The following ZMAT5 variants were observed in gnomAD, a reference collection of about 807,000 sequenced individuals.
ZMAT5 encodes zinc finger matrin-type protein 5.
ZMAT5 carries 23 observed loss-of-function variants against 28.0 expected under a neutral mutation model. The observed-to-expected ratio is 0.82, with a 90% CI of 0.59 to 1.16. The LOEUF (loss-of-function observed/expected upper bound fraction) is 1.16, where lower values mean the gene tolerates loss of function less well. Ranked by LOEUF, ZMAT5 falls within the 50% of genes most tolerant of loss-of-function variation. ZMAT5 has a pLI of 0.00. For synonymous variants in ZMAT5, 76 were observed against 84.1 expected, an observed-to-expected ratio of 0.90 and a Z score of 0.52; for missense variants, 173 against 212.7, an observed-to-expected ratio of 0.81 and a Z score of 1.16.
intron 1 of ZMAT5, among the ~76,000 whole-genome samples, chr22:29,759,582 T>C (rs554512774): frequency 3.8e-4 from 57 of 151,788 alleles, no homozygotes; most frequent in Non-Finnish European, 6.2e-4. Flanking sequence ...CTGGGCAACA[T>C]AGTGAGACCC....
chr22:29,743,341 C>T (rs763396348), intron 2 of ZMAT5, among the ~76,000 whole-genome samples: 19 of 152,186 alleles, frequency 1.2e-4, no homozygotes, highest in Admixed American at 2.0e-4. Flanking sequence ...GACCAGCCAC[C>T]GCCGCGGACA....
chr22:29,733,470 C>T (rs1438966803), intron 5 of ZMAT5, among the ~76,000 whole-genome samples: 1 of 152,240 alleles, frequency 6.6e-6, no homozygotes, highest in East Asian at 1.9e-4. Context: ...GTGCAGCCTC[C>T]AGGACCCCCA....
At position 29,766,934 on chromosome 22, in the gene ZMAT5, T is replaced by A. The variant is rs2068220335; in HGVS notation, c.-90A>T. On this transcript the variant is annotated 5_prime_UTR_variant, in exon 1 of 6. Transcript: ENST00000344318. ...AGAGACTAGGACTCGCCCCTCGACG[T>A]CTCGCGGAAGGTACCTGGCTCCCCG... The A allele has an allele frequency of 6.4e-6, 1 of 156,548 alleles. No homozygotes were observed. Among genetic ancestry groups the A allele is most frequent in the South Asian group, 1.7e-4 (1 of 6,032 alleles). 9.7% of individuals were successfully genotyped at this position (156,548 alleles called of 1,614,324 possible). A position where few individuals can be genotyped will look rare whatever the true frequency, so the allele number is the denominator to read the frequency against.
At chr22:29,732,855 G>C (rs1009958438) in intron 5 of ZMAT5, among the ~76,000 whole-genome samples, 1 of 152,088 alleles carries the variant, frequency 6.6e-6, no homozygotes, top group African/African-American at 2.4e-5. Flanking sequence ...CTTAGGACTG[G>C]AGTCCCCAGA....
chr22:29,740,586 G>A (rs1364040802), intron 4 of ZMAT5, 64 bp downstream of exon 4: 22 of 1,496,554 alleles, frequency 1.5e-5, no homozygotes, highest in Middle Eastern at 1.7e-4. Flanking sequence ...CAGCTTCCCC[G>A]GTCTCAGAGC....
At chr22:29,758,324 T>C (rs1048091701) in intron 1 of ZMAT5, among the ~76,000 whole-genome samples, 2 of 152,170 alleles carry the variant, frequency 1.3e-5, no homozygotes, top group African/African-American at 4.8e-5. Context: ...AATAAAAGTT[T>C]GTTGCTTTAG....
At chr22:29,760,468 G>T (rs188016310) in intron 1 of ZMAT5, among the ~76,000 whole-genome samples, 1 of 152,176 alleles carries the variant, frequency 6.6e-6, no homozygotes, top group East Asian at 1.9e-4. Flanking sequence ...GAACCCAGGA[G>T]GTGAAGGTTG....
intron 2 of ZMAT5, chr22:29,748,030 C>A (rs1569338025): frequency 3.2e-6 from 1 of 309,568 alleles, no homozygotes; most frequent in Non-Finnish European, 6.4e-6. Context: ...CAGCTTGAGC[C>A]CTACCATTCT....
intron 3 of ZMAT5, among the ~76,000 whole-genome samples, chr22:29,741,785 G>C (rs564172453): frequency 6.6e-6 from 1 of 152,108 alleles, no homozygotes; most frequent in African/African-American, 2.4e-5. Context: ...TAGTAGCTGG[G>C]ACTACCAGTG....
intron 1 of ZMAT5, among the ~76,000 whole-genome samples, chr22:29,757,275 C>T (rs1324792696): frequency 6.6e-6 from 1 of 151,244 alleles, no homozygotes. Context: ...AAATGCTAGC[C>T]TAAGGTAGCA....
chr22:29,766,352 A>G (rs2068211901), intron 1 of ZMAT5, among the ~76,000 whole-genome samples: 1 of 152,180 alleles, frequency 6.6e-6, no homozygotes, highest in Non-Finnish European at 1.5e-5. Context: ...GTCACCCCCC[A>G]GAGCAGCTAC....
chr22:29,748,697 G>T, intron 1 of ZMAT5, 126 bp from the exon 2 acceptor site: 2 of 1,263,626 alleles, frequency 1.6e-6, no homozygotes, highest in Non-Finnish European at 2.2e-6. Flanking sequence ...GCCCCATTAG[G>T]AGTGTCAAGC....
chr22:29,760,408 G>T (rs1364494475), intron 1 of ZMAT5, among the ~76,000 whole-genome samples: 3 of 151,442 alleles, frequency 2.0e-5, no homozygotes, highest in African/African-American at 7.3e-5. Flanking sequence ...GCTCAGCGTG[G>T]TGGTGCACAC....
intron 1 of ZMAT5, among the ~76,000 whole-genome samples, chr22:29,757,234 A>G (rs1397309046): frequency 1.4e-5 from 2 of 145,540 alleles, no homozygotes; most frequent in African/African-American, 5.1e-5. Flanking sequence ...AAAAAAAAGG[A>G]CTTCACAGAA....
chr22:29,742,448 TG>T lies in ZMAT5; in HGVS notation c.159del (p.Asn53LysfsTer10), dbSNP rs2067971270. 6.2e-7 allele frequency: 1 copy of T among 1,613,272 alleles called. No individual in the cohort carries two copies. The highest frequency in any genetic ancestry group is 1.3e-5 in the African/African-American group (1 of 75,056). On this transcript the variant is annotated frameshift_variant, in exon 3 of 6. Transcript: ENST00000344318. LOFTEE classifies it high-confidence loss of function. The stretch of plus-strand genomic sequence containing the variant: ...AGTAGAAACTTCCTGCAGGGCCGCT[TG>T]TTCTGCTCATCCAGCAAGATGGCAG... The part of the protein sequence containing the change: ...DAAAILLDEQ[N>X]KRPCRKFLLT...
chr22:29,762,788 C>T (rs2068170024), intron 1 of ZMAT5, among the ~76,000 whole-genome samples: 1 of 152,224 alleles, frequency 6.6e-6, no homozygotes, highest in South Asian at 2.1e-4. Flanking sequence ...CATCCCCCTC[C>T]TGTATCCCGT....
At chr22:29,739,069 C>A (rs1222803909) in intron 4 of ZMAT5, among the ~76,000 whole-genome samples, 1 of 151,468 alleles carries the variant, frequency 6.6e-6, no homozygotes, top group African/African-American at 2.4e-5. Context: ...ATCTGAGGTG[C>A]AGGGAGGCAG....
intron 1 of ZMAT5, among the ~76,000 whole-genome samples, chr22:29,760,599 A>AG (rs1210249066): frequency 1.3e-5 from 2 of 152,142 alleles, no homozygotes; most frequent in African/African-American, 4.8e-5. Context: ...GCAGATCTGG[A>AG]GGGGGACCTA....
chr22:29,737,819 T>A (rs934600084), intron 5 of ZMAT5, among the ~76,000 whole-genome samples: 1 of 152,048 alleles, frequency 6.6e-6, no homozygotes, highest in African/African-American at 2.4e-5. Context: ...GCTCCCCTTC[T>A]ACTTGTGAGC....
Sources: allele counts gnomAD v4.1 joint callset (sites outside exome capture counted in the v4.1 genomes callset), GRCh38; gene constraint gnomAD v4.1.1; transcripts MANE v1.5; gene names NCBI Gene and HGNC (gene_info 2026-07-23, HGNC 2026-07-21).